SDK1: variants seen among roughly 807,000 people sequenced by gnomAD.
SDK1 encodes protein sidekick-1.
Under a neutral mutation model 245.5 loss-of-function variants are expected in SDK1, and 157 were observed. The ratio of observed to expected loss-of-function variants is 0.64; its 90% CI spans 0.56 to 0.73. SDK1 has a LOEUF of 0.73. SDK1 is among the 30% of genes least tolerant of loss of function. The probability of loss-of-function intolerance (pLI) is 0.00; values close to 1 mark genes in which losing one functional copy is unlikely to be tolerated. For synonymous variants in SDK1, 1,647 were observed against 1,278.5 expected (o/e 1.29, Z -6.15); for missense variants, 3,583 against 3,002.3 (o/e 1.19, Z -4.52).
intron 17 of SDK1, among the ~76,000 whole-genome samples, chr7:4,035,693 A>G (rs947646405): frequency 3.3e-5 from 5 of 152,206 alleles, no homozygotes; most frequent in Non-Finnish European, 5.9e-5. Context: ...TGAGCTTCCT[A>G]GTAACAGAAA....
Position 3,703,060 on chromosome 7 carries a change from CAAAAA to C in SDK1, c.713+60972_713+60976del, listed in dbSNP as rs34926857. ...AAAAAGTAAATGCGAGACTCTGTCT[CAAAAA>C]AAAAAAAAAAAAAAAATGTATGCCG... On this transcript the variant is annotated intron_variant, in intron 4 of 44. Transcript: ENST00000404826. Among the ~76,000 whole-genome samples, 143 of 87,636 alleles carry C rather than the reference CAAAAA, an allele frequency of 1.6e-3. 1 individual carries two copies. The highest frequency in any genetic ancestry group is 4.6e-3 in the African/African-American group (138 of 30,326). 57.5% of individuals were successfully genotyped at this position (87,636 alleles called of 152,430 possible). A position where few individuals can be genotyped will look rare whatever the true frequency, so the allele number is the denominator to read the frequency against.
intron 28 of SDK1, among the ~76,000 whole-genome samples, chr7:4,136,173 C>T (rs1053567785): frequency 6.6e-6 from 1 of 152,166 alleles, no homozygotes; most frequent in Admixed American, 6.5e-5. Context: ...AGGCAGACAA[C>T]GTCACTGCCG....
At position 3,962,889 on chromosome 7, in the gene SDK1, G is replaced by T. The variant is rs757515610; in HGVS notation, c.1429+38G>T. On this transcript the variant is annotated intron_variant, in intron 9 of 44. Coordinates refer to ENST00000404826, the MANE Select transcript of SDK1 (RefSeq NM_152744.4). ...AGGCCCACAGCTACCTGACCTGGAC[G>T]TATCCAGTGAGTACACTCAGCCCCA... 4 of 1,505,990 alleles carry T rather than the reference G, an allele frequency of 2.7e-6. No homozygotes were observed. In the South Asian group the frequency reaches 4.9e-5, roughly 19 times the overall value. The allele number at this position is 1,505,990 out of a possible 1,614,324, so 93.3% of individuals were successfully genotyped here.
chr7:3,357,593 C>T (rs1401861758), intron 1 of SDK1, among the ~76,000 whole-genome samples: 1 of 151,834 alleles, frequency 6.6e-6, no homozygotes, highest in African/African-American at 2.4e-5. Context: ...AGCAATCCTC[C>T]TCCCTTGGCC....
chr7:3,777,939 C>T (rs1780614141), intron 4 of SDK1, among the ~76,000 whole-genome samples: 1 of 152,204 alleles, frequency 6.6e-6, no homozygotes. Context: ...GCCACAGCTT[C>T]ATGCTGAGAA....
chr7:3,901,049 C>T (rs1781772460), intron 5 of SDK1, among the ~76,000 whole-genome samples: 1 of 152,162 alleles, frequency 6.6e-6, no homozygotes, highest in African/African-American at 2.4e-5. Context: ...ATAATCTAAT[C>T]GTTCCCTGGC....
intron 40 of SDK1, among the ~76,000 whole-genome samples, chr7:4,229,479 T>G (rs1371160707): frequency 6.6e-6 from 1 of 152,252 alleles, no homozygotes; most frequent in East Asian, 1.9e-4. Flanking sequence ...TATCAATATT[T>G]TAAAATGTTA....
chr7:3,949,413 C>T (rs1481668000), intron 5 of SDK1, among the ~76,000 whole-genome samples: 3 of 152,188 alleles, frequency 2.0e-5, no homozygotes, highest in Non-Finnish European at 2.9e-5. Flanking sequence ...ATGAGAAGCC[C>T]GTCGTCTCTT....
chr7:4,017,796 G>T (rs1156950021), intron 17 of SDK1, among the ~76,000 whole-genome samples: 1 of 152,134 alleles, frequency 6.6e-6, no homozygotes, highest in Non-Finnish European at 1.5e-5. Flanking sequence ...TTGCAACGTG[G>T]TACTTTTTTT....
intron 1 of SDK1, among the ~76,000 whole-genome samples, chr7:3,451,342 G>A (rs1010854298): frequency 1.3e-5 from 2 of 152,122 alleles, no homozygotes; most frequent in African/African-American, 4.8e-5. Flanking sequence ...TAAGGCACAG[G>A]CAAGTTTGAG....
intron 4 of SDK1, among the ~76,000 whole-genome samples, chr7:3,789,877 G>A (rs1211303392): frequency 2.0e-5 from 3 of 151,852 alleles, no homozygotes; most frequent in South Asian, 2.1e-4. Flanking sequence ...CAGTTTACCC[G>A]CGCACCCTGG....
intron 14 of SDK1, among the ~76,000 whole-genome samples, chr7:4,004,615 T>A (rs1279828678): frequency 6.6e-6 from 1 of 152,130 alleles, no homozygotes; most frequent in Non-Finnish European, 1.5e-5. Flanking sequence ...AAAATATAGC[T>A]CCAACAACCA....
At chr7:3,881,931 T>C (rs927199947) in intron 5 of SDK1, among the ~76,000 whole-genome samples, 1 of 152,094 alleles carries the variant, frequency 6.6e-6, no homozygotes, top group Non-Finnish European at 1.5e-5. Flanking sequence ...GCTATATTAG[T>C]CCATTTTCAC....
intron 1 of SDK1, among the ~76,000 whole-genome samples, chr7:3,460,085 G>A (rs1178653559): frequency 6.6e-6 from 1 of 152,094 alleles, no homozygotes; most frequent in African/African-American, 2.4e-5. Flanking sequence ...ATTTCAAAGT[G>A]GTATAATAAA....
intron 4 of SDK1, among the ~76,000 whole-genome samples, chr7:3,673,047 A>T (rs1467337139): frequency 6.6e-6 from 1 of 151,888 alleles, no homozygotes; most frequent in Non-Finnish European, 1.5e-5. Context: ...GCTCTTGCTG[A>T]TAGTAAATAA....
chr7:3,817,318 G>T (rs1779533164), intron 4 of SDK1, among the ~76,000 whole-genome samples: 1 of 152,174 alleles, frequency 6.6e-6, no homozygotes, highest in Non-Finnish European at 1.5e-5. Flanking sequence ...CTTACAGCTT[G>T]TAAGTACACC....
intron 1 of SDK1, among the ~76,000 whole-genome samples, chr7:3,505,625 C>G (rs572643860): frequency 1.3e-5 from 2 of 152,266 alleles, no homozygotes; most frequent in African/African-American, 2.4e-5. Context: ...CCCTTGAAAA[C>G]ATGGGTTTGA....
chr7:3,469,489 G>A (rs1324007304), intron 1 of SDK1, among the ~76,000 whole-genome samples: 1 of 152,114 alleles, frequency 6.6e-6, no homozygotes, highest in Non-Finnish European at 1.5e-5. Context: ...AGCATGAGGT[G>A]ATGTACACTT....
intron 1 of SDK1, among the ~76,000 whole-genome samples, chr7:3,596,158 C>G (rs986892659): frequency 6.6e-6 from 1 of 152,046 alleles, no homozygotes; most frequent in African/African-American, 2.4e-5. Context: ...TCAAAAAGTT[C>G]CGCATTTTGG....
Sources: allele counts gnomAD v4.1 joint callset (sites outside exome capture counted in the v4.1 genomes callset), GRCh38; gene constraint gnomAD v4.1.1; transcripts MANE v1.5; gene names NCBI Gene and HGNC (gene_info 2026-07-23, HGNC 2026-07-21).